ENTREP2: variants seen among roughly 807,000 people sequenced by gnomAD.
ENTREP2 encodes the protein protein ENTREP2.
At chr15:29,143,194 T>C in the ENTREP2 span, among the ~76,000 whole-genome samples, 2 of 152,220 alleles carry the variant, frequency 1.3e-5, no homozygotes, top group Non-Finnish European at 2.9e-5. Flanking sequence ...GCCCCTGAGA[T>C]AATTGCTGAC....
the ENTREP2 span, among the ~76,000 whole-genome samples, chr15:29,562,992 A>G: frequency 6.6e-6 from 1 of 152,044 alleles, no homozygotes; most frequent in Non-Finnish European, 1.5e-5. Flanking sequence ...GGGTTTTGCC[A>G]CGTTGTCCAG....
the ENTREP2 span, among the ~76,000 whole-genome samples, chr15:29,136,664 GT>G: frequency 0.021 from 2,798 of 134,706 alleles, 44 homozygotes; most frequent in African/African-American, 0.042. Context: ...TTGCACTTTT[GT>G]TTTTTTTTTT....
the ENTREP2 span, among the ~76,000 whole-genome samples, chr15:29,416,160 T>C: frequency 6.6e-6 from 1 of 152,116 alleles, no homozygotes; most frequent in African/African-American, 2.4e-5. Flanking sequence ...AAAGTTCATA[T>C]GGAACCAAAA....
the ENTREP2 span, among the ~76,000 whole-genome samples, chr15:29,377,935 T>C: frequency 6.6e-6 from 1 of 150,966 alleles, no homozygotes; most frequent in Admixed American, 6.6e-5. Context: ...TGTCTGAGTG[T>C]CTCCCCAGTT....
the ENTREP2 span, among the ~76,000 whole-genome samples, chr15:29,635,206 A>G: frequency 1.3e-5 from 2 of 151,858 alleles, no homozygotes; most frequent in African/African-American, 2.4e-5. Flanking sequence ...GATCAACTCA[A>G]CCTCCACGTT....
chr15:29,608,315 A>C, the ENTREP2 span, among the ~76,000 whole-genome samples: 1 of 152,086 alleles, frequency 6.6e-6, no homozygotes, highest in South Asian at 2.1e-4. Flanking sequence ...GTGTTCAAAA[A>C]TAGAGCCACC....
chr15:29,159,319 T>G, the ENTREP2 span, among the ~76,000 whole-genome samples: 2 of 151,890 alleles, frequency 1.3e-5, no homozygotes, highest in East Asian at 1.9e-4. Flanking sequence ...GCTCCAGGAG[T>G]GAAGCTGCAG....
chr15:29,556,768 C>CT, the ENTREP2 span, among the ~76,000 whole-genome samples: 7 of 115,116 alleles, frequency 6.1e-5, no homozygotes, highest in South Asian at 3.3e-4. Context: ...AGGTGCCCCC[C>CT]CCCCGCCCCA....
the ENTREP2 span, among the ~76,000 whole-genome samples, chr15:29,203,990 C>T: frequency 6.6e-6 from 1 of 152,186 alleles, no homozygotes; most frequent in South Asian, 2.1e-4. Flanking sequence ...TAAAATAACC[C>T]TTCAATGACC....
chr15:29,492,227 G>T, the ENTREP2 span, among the ~76,000 whole-genome samples: 1 of 152,148 alleles, frequency 6.6e-6, no homozygotes, highest in Non-Finnish European at 1.5e-5. Flanking sequence ...GTATAAAACT[G>T]GCGCAGTAAT....
the ENTREP2 span, among the ~76,000 whole-genome samples, chr15:29,204,796 A>G: frequency 2.0e-5 from 3 of 152,278 alleles, no homozygotes; most frequent in Admixed American, 6.5e-5. Flanking sequence ...CAAAAACTAG[A>G]CCCTAATTTT....
At chr15:29,139,165 G>A in the ENTREP2 span, among the ~76,000 whole-genome samples, 6 of 152,114 alleles carry the variant, frequency 3.9e-5, no homozygotes, top group African/African-American at 1.2e-4. Flanking sequence ...GGGGTCAAGC[G>A]CTGTGAAATA....
chr15:29,577,622 G>A, the ENTREP2 span, among the ~76,000 whole-genome samples: 1 of 152,204 alleles, frequency 6.6e-6, no homozygotes, highest in South Asian at 2.1e-4. Flanking sequence ...CTGAAGTGCT[G>A]GGATTACAGG....
the ENTREP2 span, among the ~76,000 whole-genome samples, chr15:29,627,744 C>T: frequency 1.3e-5 from 2 of 152,226 alleles, no homozygotes; most frequent in East Asian, 3.9e-4. Context: ...ATACACTTTG[C>T]CTTTTTGAGT....
the ENTREP2 span, among the ~76,000 whole-genome samples, chr15:29,204,695 G>A: frequency 2.0e-5 from 3 of 152,070 alleles, no homozygotes; most frequent in African/African-American, 4.8e-5. Context: ...GCTATTTGCC[G>A]GTGTTATTGA....
chr15:29,509,093 C>T, the ENTREP2 span, among the ~76,000 whole-genome samples: 7 of 152,168 alleles, frequency 4.6e-5, no homozygotes, highest in African/African-American at 1.7e-4. Flanking sequence ...TACATGCATT[C>T]CTATACACCA....
At chr15:29,536,241 C>A in the ENTREP2 span, among the ~76,000 whole-genome samples, 1 of 152,074 alleles carries the variant, frequency 6.6e-6, no homozygotes, top group South Asian at 2.1e-4. Flanking sequence ...GATCAGTAAC[C>A]CCTCTTCTTT....
At chr15:29,186,191 C>A in the ENTREP2 span, among the ~76,000 whole-genome samples, 1 of 152,184 alleles carries the variant, frequency 6.6e-6, no homozygotes, top group Non-Finnish European at 1.5e-5. Context: ...CTAAACAGAA[C>A]CCTCTCCTGA....
At chr15:29,632,048 C>T in the ENTREP2 span, among the ~76,000 whole-genome samples, 1 of 152,210 alleles carries the variant, frequency 6.6e-6, no homozygotes, top group African/African-American at 2.4e-5. Context: ...GCCCATTTCC[C>T]TGTCTCTGCT....
Sources: allele counts gnomAD v4.1 joint callset (sites outside exome capture counted in the v4.1 genomes callset), GRCh38; gene constraint gnomAD v4.1.1; transcripts MANE v1.5; gene names NCBI Gene and HGNC (gene_info 2026-07-23, HGNC 2026-07-21).